SOX30: variants seen among roughly 807,000 people sequenced by gnomAD.
SOX30 encodes transcription factor SOX-30.
SOX30 carries 17 observed loss-of-function variants against 58.6 expected under a neutral mutation model. The observed-to-expected ratio is 0.29, with a 90% CI of 0.20 to 0.44. The LOEUF (loss-of-function observed/expected upper bound fraction) is 0.44. SOX30 is among the 20% of genes least tolerant of loss of function. The probability of loss-of-function intolerance (pLI) is 1.00; values close to 1 mark genes in which losing one functional copy is unlikely to be tolerated. For synonymous variants in SOX30, 421 were observed against 400.2 expected, an observed-to-expected ratio of 1.05 and a Z score of -0.62; for missense variants, 951 against 965.8, an observed-to-expected ratio of 0.98 and a Z score of 0.20.
chr5:157,642,478 G>A (rs1284037077), intron 3 of SOX30, among the ~76,000 whole-genome samples: 4 of 151,960 alleles, frequency 2.6e-5, no homozygotes, highest in African/African-American at 9.7e-5. Flanking sequence ...CTACGCTGGG[G>A]TTATTCAATT....
At chr5:157,655,599 T>G (rs1007723570), upstream of SOX30, among the ~76,000 whole-genome samples, 4 of 152,162 alleles carry the variant, frequency 2.6e-5, no homozygotes, top group East Asian at 3.9e-4. Context: ...AAGGGGAAAC[T>G]TGAGAGTCGA....
At chr5:157,662,631 A>G (rs1353910637) in intron 2 of SOX30, among the ~76,000 whole-genome samples, 2 of 152,168 alleles carry the variant, frequency 1.3e-5, no homozygotes, top group East Asian at 3.8e-4. Context: ...ATCTGATTGG[A>G]CTTTCTCCTC....
At chr5:157,665,656 TATAA>T (rs1759656810) in intron 2 of SOX30, among the ~76,000 whole-genome samples, 1 of 147,744 alleles carries the variant, frequency 6.8e-6, no homozygotes, top group Admixed American at 6.8e-5. Context: ...ATTTTAAATA[TATAA>T]ATATTTAAAT....
intron 4 of SOX30, among the ~76,000 whole-genome samples, chr5:157,634,096 G>C (rs1758870239): frequency 6.6e-6 from 1 of 152,192 alleles, no homozygotes; most frequent in Non-Finnish European, 1.5e-5. Context: ...CCCAGAGAGG[G>C]GGAGCAGCAC....
intron 4 of SOX30, among the ~76,000 whole-genome samples, chr5:157,627,469 G>A (rs1391286768): frequency 6.6e-6 from 1 of 152,128 alleles, no homozygotes; most frequent in Non-Finnish European, 1.5e-5. Context: ...TCATGTTGGG[G>A]GGGAAATGTA....
rs1759363130 is a variant in SOX30, at chr5:157,651,965, C to T, written c.114G>A (p.Pro38=). 5 of 1,462,746 alleles carry T rather than the reference C, an allele frequency of 3.4e-6. No individual in the cohort carries two copies. In the South Asian group the frequency reaches 4.2e-5, roughly 12 times the overall value. The allele number at this position is 1,462,746 out of a possible 1,614,324, so 90.6% of individuals were successfully genotyped here. Residue 38 remains proline (P), a synonymous_variant, in exon 1 of 5, where the codon CCG becomes CCA. Coordinates refer to ENST00000265007, the MANE Select transcript of SOX30 (RefSeq NM_178424.2). ...CTGCCGCGCTCAGTGTGGGAGACGA[C>T]GGAGGGGGCTCCATGGCTGCTGCCC... ...SFWAAAMEPP[P]SSPTLSAAAS... is the part of the protein sequence containing the mutation.
In SOX30 at chr5:157,651,960, G is replaced by A; in HGVS notation, c.119C>T (p.Ser40Phe). The change falls in exon 1 of 5, where the codon TCT (serine) becomes TTT (phenylalanine). Residue 40 changes from serine to phenylalanine, a missense_variant. Ser to Phe is a radical substitution (Grantham distance 155). Around this residue, in one of 7 missense-constraint regions of SOX30, gnomAD observed 363 missense variants for 294.5 expected, o/e 1.23. Coordinates refer to ENST00000265007, the MANE Select transcript of SOX30 (RefSeq NM_178424.2). ...ACTGGCTGCCGCGCTCAGTGTGGGA[G>A]ACGACGGAGGGGGCTCCATGGCTGC... ...WAAAMEPPPS[S>F]PTLSAAASAT... 6.8e-7 allele frequency: 1 copy of A among 1,469,762 alleles called. No homozygotes were observed. Among genetic ancestry groups the A allele is most frequent in the African/African-American group, 1.4e-5 (1 of 70,430 alleles). 91.0% of individuals were successfully genotyped at this position (1,469,762 alleles called of 1,614,324 possible).
chr5:157,634,076 A>G (rs1367365337), intron 4 of SOX30, among the ~76,000 whole-genome samples: 2 of 152,232 alleles, frequency 1.3e-5, no homozygotes, highest in Non-Finnish European at 2.9e-5. Context: ...GGCAGGAATA[A>G]GATGTTAGCC....
intron 4 of SOX30, among the ~76,000 whole-genome samples, chr5:157,635,810 A>C (rs1230099896): frequency 6.6e-6 from 1 of 152,148 alleles, no homozygotes; most frequent in South Asian, 2.1e-4. Flanking sequence ...CCCAATGTCC[A>C]CTTGACTATG....
intron 3 of SOX30, among the ~76,000 whole-genome samples, 165 bp from the exon 4 acceptor site, chr5:157,638,887 C>T (rs10044589): frequency 0.075 from 11,383 of 152,132 alleles, 1,451 homozygotes; most frequent in African/African-American, 0.26. Context: ...GCATTTTGAA[C>T]AAACTGAAGT....
At position 157,626,150 on chromosome 5, in the gene SOX30, C is replaced by A. The variant is rs1758646343; in HGVS notation, c.*190G>T. On this transcript the variant is annotated 3_prime_UTR_variant, in exon 5 of 5. Coordinates refer to ENST00000265007, the MANE Select transcript of SOX30 (RefSeq NM_178424.2). ...CTACTTAATAACTTAAATATTCCTA[C>A]AATGAAACATCCAGACTCTAGTTTC... 4 of 509,936 alleles carry A rather than the reference C, an allele frequency of 7.8e-6. No homozygotes were observed. The highest frequency in any genetic ancestry group is 1.4e-5 in the Non-Finnish European group (4 of 295,740). 31.6% of individuals were successfully genotyped at this position (509,936 alleles called of 1,614,324 possible).
intron 4 of SOX30, among the ~76,000 whole-genome samples, chr5:157,632,852 G>T (rs992347124): frequency 3.9e-5 from 6 of 152,268 alleles, no homozygotes; most frequent in African/African-American, 1.4e-4. Context: ...ACTCTGGGAG[G>T]CTAAGGCAGG....
At chr5:157,647,506 T>C (rs563301163) in intron 2 of SOX30, among the ~76,000 whole-genome samples, 3 of 152,164 alleles carry the variant, frequency 2.0e-5, no homozygotes, top group Non-Finnish European at 4.4e-5. Context: ...TTCCTCACTT[T>C]CTGTAAGTTA....
At chr5:157,667,150 C>G (rs778267494) in intron 2 of SOX30, among the ~76,000 whole-genome samples, 8 of 152,100 alleles carry the variant, frequency 5.3e-5, no homozygotes, top group Non-Finnish European at 1.0e-4. Context: ...GAGGGAGAGG[C>G]TCACCCAAGA....
At chr5:157,655,108 G>A (rs867498108), upstream of SOX30, among the ~76,000 whole-genome samples, 4 of 152,146 alleles carry the variant, frequency 2.6e-5, no homozygotes, top group African/African-American at 9.7e-5. Context: ...TGGTGACCCA[G>A]GTGGGATTAT....
At chr5:157,640,076 G>A (rs1275144334) in intron 3 of SOX30, among the ~76,000 whole-genome samples, 1 of 152,192 alleles carries the variant, frequency 6.6e-6, no homozygotes, top group Non-Finnish European at 1.5e-5. Flanking sequence ...GGCCCTTCCT[G>A]ATTTATCAAG....
chr5:157,634,903 C>T (rs917902822), intron 4 of SOX30, among the ~76,000 whole-genome samples: 7 of 152,170 alleles, frequency 4.6e-5, no homozygotes, highest in African/African-American at 1.7e-4. Context: ...CCGCCTCGGC[C>T]TCCCAAAGTG....
chr5:157,653,871 T>C (rs1037301267), upstream of SOX30, among the ~76,000 whole-genome samples: 1 of 152,140 alleles, frequency 6.6e-6, no homozygotes, highest in African/African-American at 2.4e-5. Flanking sequence ...CCATAAAAAC[T>C]ATTGAAGATC....
At chr5:157,647,822 G>A (rs1759232810) in intron 2 of SOX30, among the ~76,000 whole-genome samples, 1 of 151,712 alleles carries the variant, frequency 6.6e-6, no homozygotes, top group Non-Finnish European at 1.5e-5. Context: ...GCCTCCCAAA[G>A]TGCTGGGATT....
Sources: allele counts gnomAD v4.1 joint callset (sites outside exome capture counted in the v4.1 genomes callset), GRCh38; gene constraint gnomAD v4.1.1; regional missense constraint gnomAD v4.1.1; transcripts MANE v1.5; gene names NCBI Gene and HGNC (gene_info 2026-07-23, HGNC 2026-07-21).